Variants in DLG2 observed in about 807,000 individuals in gnomAD.
The protein encoded by DLG2 is discs large MAGUK scaffold protein 2.
Under a neutral mutation model 132.5 loss-of-function variants are expected in DLG2, and 45 were observed. That is an observed-to-expected ratio of 0.34 (90% CI 0.27 to 0.44). DLG2 has a LOEUF of 0.44. DLG2 is among the 20% of genes least tolerant of loss of function. The pLI, the probability that DLG2 is intolerant of heterozygous loss-of-function variation, is 1.00. For synonymous variants in DLG2, 424 were observed against 419.6 expected (o/e 1.01, Z -0.13); for missense variants, 1,045 against 1,196.9 (o/e 0.87, Z 1.87).
chr11:84,791,077 T>G (rs1475684216), intron 6 of DLG2, among the ~76,000 whole-genome samples: 7 of 152,108 alleles, frequency 4.6e-5, no homozygotes, highest in Non-Finnish European at 2.9e-5. Flanking sequence ...CAGGCATGTC[T>G]TATGTGGTGG....
chr11:84,349,899 C>T (rs1297765100), intron 7 of DLG2, among the ~76,000 whole-genome samples: 1 of 151,746 alleles, frequency 6.6e-6, no homozygotes, highest in Non-Finnish European at 1.5e-5. Flanking sequence ...CAGGCTAGGC[C>T]GGGCGCGGTG....
chr11:83,718,024 C>G (rs2087179457), intron 18 of DLG2, among the ~76,000 whole-genome samples: 1 of 152,196 alleles, frequency 6.6e-6, no homozygotes, highest in Admixed American at 6.5e-5. Flanking sequence ...TTCAAACCTG[C>G]TCCGTACTCC....
At chr11:85,482,887 C>T (rs2093332596) in intron 3 of DLG2, among the ~76,000 whole-genome samples, 1 of 152,146 alleles carries the variant, frequency 6.6e-6, no homozygotes, top group African/African-American at 2.4e-5. Flanking sequence ...CCCCTTCTGA[C>T]CCAGGTTCCA....
chr11:84,795,350 G>T (rs1252559875), intron 6 of DLG2, among the ~76,000 whole-genome samples: 1 of 152,058 alleles, frequency 6.6e-6, no homozygotes, highest in African/African-American at 2.4e-5. Context: ...GCGGACAGGA[G>T]CTACCCACTG....
intron 6 of DLG2, among the ~76,000 whole-genome samples, chr11:84,926,292 T>C (rs1010200436): frequency 3.9e-5 from 6 of 152,080 alleles, no homozygotes; most frequent in African/African-American, 1.4e-4. Flanking sequence ...AGTTTGGAAT[T>C]ATCTATCAAA....
chr11:85,156,630 T>A (rs2152463183), intron 4 of DLG2, among the ~76,000 whole-genome samples: 1 of 152,308 alleles, frequency 6.6e-6, no homozygotes, highest in East Asian at 1.9e-4. Context: ...ATGTACATAG[T>A]AAGGACCTGT....
At chr11:84,346,525 C>G (rs1215390016) in intron 7 of DLG2, among the ~76,000 whole-genome samples, 1 of 152,184 alleles carries the variant, frequency 6.6e-6, no homozygotes, top group African/African-American at 2.4e-5. Context: ...GAAACTAATT[C>G]AAGTATTCAA....
chr11:84,789,368 C>T (rs923324905), intron 6 of DLG2, among the ~76,000 whole-genome samples: 1 of 152,096 alleles, frequency 6.6e-6, no homozygotes, highest in Non-Finnish European at 1.5e-5. Context: ...AGCATTAAGA[C>T]AATGATTGAG....
At chr11:84,755,170 G>C (rs937088855) in intron 6 of DLG2, among the ~76,000 whole-genome samples, 5 of 152,156 alleles carry the variant, frequency 3.3e-5, no homozygotes, top group African/African-American at 1.2e-4. Context: ...AGATGTTACA[G>C]TGAATGTTTT....
chr11:85,000,504 T>C (rs2058113674), intron 6 of DLG2, among the ~76,000 whole-genome samples: 2 of 152,198 alleles, frequency 1.3e-5, no homozygotes, highest in Non-Finnish European at 2.9e-5. Flanking sequence ...TTTCCTCATC[T>C]ATACACACAA....
intron 6 of DLG2, among the ~76,000 whole-genome samples, chr11:84,577,547 C>T (rs948156888): frequency 3.7e-4 from 57 of 152,232 alleles, no homozygotes; most frequent in African/African-American, 1.3e-3. Context: ...GCATTTTGCT[C>T]CTGCCCTAGA....
At chr11:84,313,865 A>G (rs2098327979) in intron 7 of DLG2, among the ~76,000 whole-genome samples, 1 of 152,154 alleles carries the variant, frequency 6.6e-6, no homozygotes, top group Middle Eastern at 3.2e-3. Context: ...CTAGATGTAC[A>G]TTTTGGAACG....
chr11:85,530,783 T>C (rs1446462933), intron 3 of DLG2, among the ~76,000 whole-genome samples: 4 of 152,256 alleles, frequency 2.6e-5, no homozygotes, highest in South Asian at 2.1e-4. Flanking sequence ...CAACAGTTTA[T>C]TGCCAAGATC....
intron 6 of DLG2, among the ~76,000 whole-genome samples, chr11:84,601,129 G>A (rs376933036): frequency 2.6e-5 from 4 of 152,088 alleles, no homozygotes; most frequent in East Asian, 3.9e-4. Flanking sequence ...CAGGTAACCC[G>A]CATATATTAT....
chr11:83,692,336 T>C (rs547982129), intron 18 of DLG2, among the ~76,000 whole-genome samples: 1 of 152,340 alleles, frequency 6.6e-6, no homozygotes, highest in Admixed American at 6.5e-5. Flanking sequence ...TAAATTTATC[T>C]GTAAAATGGA....
At chr11:84,756,788 CGTTAGT>C (rs1455017124) in intron 6 of DLG2, among the ~76,000 whole-genome samples, 1 of 151,998 alleles carries the variant, frequency 6.6e-6, no homozygotes. Flanking sequence ...CATCAGCTAT[CGTTAGT>C]GTTAGTGTAT....
intron 20 of DLG2, among the ~76,000 whole-genome samples, chr11:83,533,760 C>A (rs2095816368): frequency 6.6e-6 from 1 of 152,166 alleles, no homozygotes; most frequent in Non-Finnish European, 1.5e-5. Context: ...AGCGAGGTGA[C>A]AGACTCCTTA....
chr11:83,573,234 C>T (rs533673025), intron 19 of DLG2, among the ~76,000 whole-genome samples: 16 of 152,128 alleles, frequency 1.1e-4, no homozygotes, highest in East Asian at 5.8e-4. Flanking sequence ...AAAATGATTA[C>T]GAAAGAGCAA....
intron 3 of DLG2, among the ~76,000 whole-genome samples, chr11:85,420,690 C>T (rs1202205170): frequency 6.6e-6 from 1 of 152,206 alleles, no homozygotes; most frequent in Non-Finnish European, 1.5e-5. Context: ...CTGTGGTGGG[C>T]TCTGCCCAGT....
Sources: gnomAD v4.1 joint callset for allele counts (sites outside exome capture counted in the v4.1 genomes callset) on GRCh38, gnomAD v4.1.1 for gene constraint, MANE v1.5 for transcripts, NCBI Gene and HGNC (gene_info 2026-07-23, HGNC 2026-07-21) for gene names.